ANKRD27: variants seen among roughly 807,000 people sequenced by gnomAD.
ANKRD27 encodes the protein ankyrin repeat domain-containing protein 27.
ANKRD27 carries 112 observed loss-of-function variants against 129.7 expected under a neutral mutation model. The observed-to-expected ratio is 0.86, with a 90% confidence interval of 0.74 to 1.01. The LOEUF (loss-of-function observed/expected upper bound fraction) is 1.01. ANKRD27 is among the 50% of genes least tolerant of loss of function. The pLI is 0.00. For missense variants in ANKRD27, 1,258 were observed against 1,300.5 expected (o/e 0.97, Z 0.50); for synonymous variants, 516 against 511.2 (o/e 1.01, Z -0.13).
At chr19:32,606,939 CAAAAAAAAAAAAAAAAAAA>C (rs532062312) in intron 23 of ANKRD27, among the ~76,000 whole-genome samples, 857 of 65,660 alleles carry the variant, frequency 0.013, 24 homozygotes, top group African/African-American at 0.049. Flanking sequence ...CCCATCTCCA[CAAAAAAAAAAAAAAAAAAA>C]AAAAAAAAAA....
chr19:32,635,590 C>T (rs1451829232), intron 12 of ANKRD27, among the ~76,000 whole-genome samples: 1 of 152,112 alleles, frequency 6.6e-6, no homozygotes, highest in African/African-American at 2.4e-5. Flanking sequence ...TAGGCATGAG[C>T]CACTGCACCC....
chr19:32,604,130 C>T, intron 25 of ANKRD27, 133 bp downstream of exon 25: 1 of 1,025,530 alleles, frequency 9.8e-7, no homozygotes, highest in South Asian at 2.2e-5. Flanking sequence ...GGACTTCTGG[C>T]ACACCAACTA....
intron 2 of ANKRD27, among the ~76,000 whole-genome samples, chr19:32,650,134 T>C (rs1357884828): frequency 6.6e-6 from 1 of 152,104 alleles, no homozygotes; most frequent in Non-Finnish European, 1.5e-5. Flanking sequence ...CCAGGCTCCC[T>C]CTCTATTCTT....
At chr19:32,643,692 C>T (rs1408263883) in intron 5 of ANKRD27, 61 bp from the exon 6 acceptor site, 18 of 1,573,096 alleles carry the variant, frequency 1.1e-5, no homozygotes, top group African/African-American at 4.1e-5. Flanking sequence ...ACGGGGGAGC[C>T]GGAGCGGGTA....
intron 25 of ANKRD27, among the ~76,000 whole-genome samples, chr19:32,603,403 A>AC (rs1971681323): frequency 6.6e-6 from 1 of 152,040 alleles, no homozygotes; most frequent in Non-Finnish European, 1.5e-5. Flanking sequence ...CAAAAGAAAG[A>AC]CTCAGCAGGA....
intron 26 of ANKRD27, among the ~76,000 whole-genome samples, chr19:32,600,925 A>G (rs1024574460): frequency 2.0e-5 from 3 of 152,184 alleles, no homozygotes; most frequent in African/African-American, 7.2e-5. Context: ...TTTTAAAAAG[A>G]AGAAAATACT....
intron 26 of ANKRD27, chr19:32,600,254 C>G: frequency 4.4e-6 from 2 of 453,778 alleles, no homozygotes; most frequent in Non-Finnish European, 8.1e-6. Context: ...CCTAAAATGC[C>G]ACAGGCTGGG....
intron 10 of ANKRD27, 78 bp from the exon 11 acceptor site, chr19:32,640,463 C>T: frequency 4.0e-6 from 5 of 1,239,304 alleles, no homozygotes; most frequent in South Asian, 1.2e-5. Flanking sequence ...CCTACCACCG[C>T]ACACCTTGTG....
At chr19:32,655,578 G>A (rs1437196309) in intron 2 of ANKRD27, among the ~76,000 whole-genome samples, 2 of 152,194 alleles carry the variant, frequency 1.3e-5, no homozygotes, top group Non-Finnish European at 2.9e-5. Flanking sequence ...CCCATGACTT[G>A]TAGCTGAAAA....
At chr19:32,640,013 G>C (rs1967165118) in intron 11 of ANKRD27, among the ~76,000 whole-genome samples, 1 of 152,118 alleles carries the variant, frequency 6.6e-6, no homozygotes, top group Non-Finnish European at 1.5e-5. Flanking sequence ...CCAGGCTGGA[G>C]TGCGGTGGCG....
At chr19:32,641,046 C>T (rs1967190938) in intron 10 of ANKRD27, among the ~76,000 whole-genome samples, 1 of 151,928 alleles carries the variant, frequency 6.6e-6, no homozygotes, top group Non-Finnish European at 1.5e-5. Flanking sequence ...CTACAGGTGC[C>T]CGCCACCATG....
Position 32,604,413 on chromosome 19 carries a change from G to A in ANKRD27, c.2505C>T (p.Ser835=). Residue 835 remains serine, a synonymous_variant, in exon 25 of 29, where the codon TCC becomes TCT. Coordinates refer to ENST00000306065, the MANE Select transcript of ANKRD27 (RefSeq NM_032139.3). ...LVALLLQHGA[S]INASNNKGNT... is the part of the protein sequence containing the mutation. The stretch of plus-strand genomic sequence containing the variant: ...TGCCCTTATTGTTAGAAGCGTTAAT[G>A]GAGGCCCCGTGCTGGAAAGAGAAAC... The A allele has an allele frequency of 6.2e-7, 1 of 1,605,744 alleles. No individual in the cohort carries two copies. The highest frequency in any genetic ancestry group is 2.2e-5 in the East Asian group (1 of 44,626).
chr19:32,615,528 G>T, intron 22 of ANKRD27, 130 bp downstream of exon 22: 1 of 1,467,052 alleles, frequency 6.8e-7, no homozygotes. Flanking sequence ...AGGCTGCAGT[G>T]GGTCATGACT....
chr19:32,639,542 C>CAA, intron 11 of ANKRD27, 54 bp from the exon 12 acceptor site: 2 of 1,563,676 alleles, frequency 1.3e-6, no homozygotes, highest in Non-Finnish European at 8.7e-7. Context: ...CACACTTCTG[C>CAA]AAAAAAAATA....
chr19:32,633,486 G>A (rs911506901), intron 12 of ANKRD27, among the ~76,000 whole-genome samples: 6 of 151,304 alleles, frequency 4.0e-5, no homozygotes, highest in East Asian at 2.0e-4. Context: ...GTGTGCCACC[G>A]TGCACCGCTA....
At chr19:32,640,455 T>C in intron 10 of ANKRD27, 70 bp from the exon 11 acceptor site, 2 of 1,302,106 alleles carry the variant, frequency 1.5e-6, no homozygotes, top group Non-Finnish European at 2.2e-6. Context: ...ATCAACTCCC[T>C]ACCACCGCAC....
chr19:32,659,393 A>G (rs1293859153), intron 1 of ANKRD27, among the ~76,000 whole-genome samples: 1 of 152,058 alleles, frequency 6.6e-6, no homozygotes, highest in Admixed American at 6.6e-5. Context: ...GCATCTGGCA[A>G]TTTCTAAAGA....
Position 32,600,022 on chromosome 19 carries a change from A to C in ANKRD27, c.2796T>G (p.Asp932Glu), listed in dbSNP as rs770893802. ...AGTAAAACTGTCTTGTAAAAGGCTC[A>C]TCTGGTAGATCATACAGTTTTGAGT... ...KWNSKLYDLP[D>E]EPFTRQFYFV... Residue 932 changes from aspartate (D) to glutamate (E), a missense_variant, in exon 27 of 29, where the codon GAT becomes GAG. By Grantham distance (45) the Asp-to-Glu change is conservative. Coordinates refer to ENST00000306065, the MANE Select transcript of ANKRD27 (RefSeq NM_032139.3). 6 of 1,612,954 alleles carry C rather than the reference A, an allele frequency of 3.7e-6. No homozygotes were observed. The highest frequency in any genetic ancestry group is 1.3e-5 in the African/African-American group (1 of 74,948).
intron 18 of ANKRD27, among the ~76,000 whole-genome samples, chr19:32,620,642 T>C (rs1971995346): frequency 6.6e-6 from 1 of 150,954 alleles, no homozygotes; most frequent in East Asian, 1.9e-4. Flanking sequence ...ATCCCAGCAC[T>C]TTAAGGGGCC....
Sources: gnomAD v4.1 joint callset for allele counts (sites outside exome capture counted in the v4.1 genomes callset) on GRCh38, gnomAD v4.1.1 for gene constraint, MANE v1.5 for transcripts, NCBI Gene and HGNC (gene_info 2026-07-23, HGNC 2026-07-21) for gene names.